The following UNK variants were observed in gnomAD, a reference collection of about 807,000 sequenced individuals.
UNK encodes RING finger protein unkempt homolog.
In UNK, 32 loss-of-function variants were observed where a neutral mutation model predicts 97.6. The observed-to-expected ratio is 0.33, with a 90% CI of 0.25 to 0.44. The LOEUF (loss-of-function observed/expected upper bound fraction) is 0.44, where lower values mean the gene tolerates loss of function less well. Among genes scored for constraint, UNK ranks in the 20% least tolerant of loss-of-function variants. The pLI is 1.00. For missense variants in UNK, 771 were observed against 1,098.4 expected (o/e 0.70, Z 4.21); for synonymous variants, 441 against 461.2 (o/e 0.96, Z 0.56).
Position 75,817,465 on chromosome 17 carries a change from C to T in UNK, c.1244C>T (p.Ala415Val), listed in dbSNP as rs889448171. The T allele has an allele frequency of 1.9e-6, 3 of 1,613,162 alleles. No individual in the cohort carries two copies. The highest frequency in any genetic ancestry group is 2.5e-6 in the Non-Finnish European group (3 of 1,179,546). The change falls in exon 9 of 16, where the codon GCT becomes GTT. Residue 415 changes from alanine (A) to valine (V), a missense_variant. Transcript: ENST00000589666. This position sits in a 1 kb window ranked among gnomAD's most constrained non-coding sequence, Gnocchi z 5.8. ...CTGGCCCCTGGCAGCTATAAGAAGG[C>T]TCCCGGCTTCGAGAGGGAAGACCAG... ...SGLAPGSYKKAPGFEREDQVG... is the reference protein window; with the variant it reads ...SGLAPGSYKKVPGFEREDQVG...
rs559225691 is a variant in UNK at position 75,812,160 on chromosome 17, C to T, written c.363C>T (p.His121=). Residue 121 remains histidine (H), a synonymous_variant, in exon 3 of 16, where the codon CAC becomes CAT. Coordinates refer to ENST00000589666, the MANE Select transcript of UNK (RefSeq NM_001080419.3). The stretch of plus-strand genomic sequence containing the variant: ...CAGGGGACACTGAGCGCAGGTACCA[C>T]CTTCGTTACTACAAAACTGGAATCT... ...RTTGDTERRY[H]LRYYKTGICI... The T allele has an allele frequency of 6.2e-7, 1 of 1,613,924 alleles. No individual in the cohort carries two copies. The highest frequency in any genetic ancestry group is 2.2e-5 in the East Asian group (1 of 44,886).
intron 7 of UNK, 28 bp downstream of exon 7, chr17:75,815,281 G>C: frequency 6.3e-7 from 1 of 1,594,340 alleles, no homozygotes; most frequent in South Asian, 1.1e-5. Flanking sequence ...CCCCGGGGCA[G>C]TGCCCTCTCC....
Position 75,813,118 on chromosome 17 carries a change from C to T in UNK, c.663C>T (p.Cys221=). The change falls in exon 5 of 16, where the codon TGC becomes TGT. Residue 221 remains cysteine (C), a synonymous_variant. Coordinates refer to ENST00000589666, the MANE Select transcript of UNK (RefSeq NM_001080419.3). ...YVLGNYKTEP[C]KKPPRLCRQG... ...TGGGGAACTATAAGACGGAGCCTTG[C>T]AAGAAGCCCCCGCGGCTGTGCCGCC... 6.3e-7 allele frequency: 1 copy of T among 1,586,972 alleles called. No individual in the cohort carries two copies. The highest frequency in any genetic ancestry group is 2.3e-5 in the East Asian group (1 of 43,592).
At chr17:75,808,550 T>C (rs907717458) in intron 1 of UNK, among the ~76,000 whole-genome samples, 1 of 152,160 alleles carries the variant, frequency 6.6e-6, no homozygotes, top group Non-Finnish European at 1.5e-5. Context: ...CACCTTCAAA[T>C]TCTTCATCCA....
rs2061983787 is a variant in UNK, at chr17:75,812,951, A to G, written c.623-127A>G. The G allele has an allele frequency of 1.2e-5, 16 of 1,340,368 alleles. No individual in the cohort carries two copies. The South Asian group carries it at 2.5e-4, about 21-fold the overall frequency. The allele number at this position is 1,340,368 out of a possible 1,614,324, so 83.0% of individuals were successfully genotyped here. On this transcript the variant is annotated intron_variant, in intron 4 of 15. Coordinates refer to ENST00000589666, the MANE Select transcript of UNK (RefSeq NM_001080419.3). ...GCCTGGGAGGAGGGGCCCTACTCAC[A>G]TCTGGCAGGGGCCTCCTGTCTTGAA...
At chr17:75,810,441 C>A (rs1045147824) in intron 2 of UNK, among the ~76,000 whole-genome samples, 2 of 148,680 alleles carry the variant, frequency 1.3e-5, no homozygotes, top group East Asian at 3.9e-4. Context: ...TAGGGAGGTG[C>A]CACACCTGGG....
intron 1 of UNK, among the ~76,000 whole-genome samples, chr17:75,800,685 T>C (rs12603219): frequency 0.9 from 134,679 of 150,476 alleles, 60,815 homozygotes; most frequent in Non-Finnish European, 0.96. Context: ...TGCAGTGAGC[T>C]GAGATCGCGC....
At chr17:75,820,203 G>A in intron 13 of UNK, 95 bp downstream of exon 13, 3 of 1,361,166 alleles carry the variant, frequency 2.2e-6, no homozygotes, top group Non-Finnish European at 3.0e-6. Flanking sequence ...ATATCAGCTA[G>A]GCTGGGGGTT....
intron 1 of UNK, among the ~76,000 whole-genome samples, chr17:75,791,047 G>A (rs906462543): frequency 2.0e-5 from 3 of 152,192 alleles, no homozygotes; most frequent in Non-Finnish European, 4.4e-5. Context: ...GACTAATCAT[G>A]TCTTCATGCC....
rs1048551298 is a variant in UNK, at chr17:75,818,439, C to T, written c.1372-203C>T. ...CTTCCCTGCTACAGGACTGTAGGGG[C>T]GAATGGGCCTGGCAGCCTCCGCACC... On this transcript the variant is annotated intron_variant, in intron 10 of 15. Transcript: ENST00000589666. This position sits in a 1 kb window ranked among gnomAD's most constrained non-coding sequence, Gnocchi z 5.1. Among the ~76,000 whole-genome samples the T allele has an allele frequency of 2.0e-5, 3 of 152,180 alleles. No individual in the cohort carries two copies. Among genetic ancestry groups the T allele is most frequent in the African/African-American group, 7.2e-5 (3 of 41,446 alleles).
At chr17:75,787,887 C>T (rs2061727798) in intron 1 of UNK, among the ~76,000 whole-genome samples, 1 of 151,434 alleles carries the variant, frequency 6.6e-6, no homozygotes, top group Non-Finnish European at 1.5e-5. Flanking sequence ...AATTCCTGGG[C>T]TCAAGCAGTC....
chr17:75,789,080 A>T (rs1055389967), intron 1 of UNK, among the ~76,000 whole-genome samples: 9 of 152,212 alleles, frequency 5.9e-5, no homozygotes, highest in African/African-American at 2.2e-4. Flanking sequence ...AGGATTATTC[A>T]TAACATAGTT....
intron 1 of UNK, among the ~76,000 whole-genome samples, chr17:75,808,513 A>G (rs1229503392): frequency 6.6e-6 from 1 of 152,122 alleles, no homozygotes; most frequent in East Asian, 1.9e-4. Flanking sequence ...CTCTGTTTCT[A>G]AGCTCATACT....
At chr17:75,787,473 G>C (rs1290684658) in intron 1 of UNK, among the ~76,000 whole-genome samples, 2 of 150,976 alleles carry the variant, frequency 1.3e-5, no homozygotes, top group Non-Finnish European at 2.9e-5. Context: ...TTGGGCCTTG[G>C]CCTCCCAAAG....
Position 75,820,125 on chromosome 17 carries a change from TTC to T in UNK, c.1837+18_1837+19del. The T allele has an allele frequency of 6.3e-7, 1 of 1,597,430 alleles. No homozygotes were observed. Among genetic ancestry groups the T allele is most frequent in the African/African-American group, 1.3e-5 (1 of 74,756 alleles). On this transcript the variant is annotated intron_variant, in intron 13 of 15. Coordinates refer to ENST00000589666, the MANE Select transcript of UNK (RefSeq NM_001080419.3). ...GATCTTTGGGTAAGAGAGGGAGTGG[TTC>T]ACTCAGGAGAACTGGGGCAGGAACC...
rs544713859 is a variant in UNK, at chr17:75,824,316, G to A, written c.2332G>A (p.Ala778Thr). The change falls in exon 16 of 16, where the codon GCA becomes ACA. Residue 778 changes from alanine (A) to threonine (T), a missense_variant. Ala to Thr is a moderately conservative substitution (Grantham distance 58). Around this residue, in one of 5 missense-constraint regions of UNK, gnomAD observed 208 missense variants for 257.4 expected, o/e 0.81. Coordinates refer to ENST00000589666, the MANE Select transcript of UNK (RefSeq NM_001080419.3). The surrounding 1 kb of genome is among the most constrained non-coding windows in gnomAD (Gnocchi z 4.9). ...CCTTAAGTGTCAGGAACAGAAGCGGGCAGTGCTGCCGTGCCAACACGCTGC... is the reference window on the plus strand; with the variant it reads ...CCTTAAGTGTCAGGAACAGAAGCGGACAGTGCTGCCGTGCCAACACGCTGC... The part of the protein sequence containing the change: ...KCLKCQEQKR[A>T]VLPCQHAALC... 1 of 1,605,326 alleles carries A rather than the reference G, an allele frequency of 6.2e-7. No homozygotes were observed.
rs1160419839 is a variant in UNK, at chr17:75,817,234, C to G, written c.1105-92C>G. ...GGCAGATGAAAGTGGAACTGAGCCC[C>G]TTGAAGACTCCCTCTGGAGAGGGTG... On this transcript the variant is annotated intron_variant, in intron 8 of 15. Coordinates refer to ENST00000589666, the MANE Select transcript of UNK (RefSeq NM_001080419.3). This position sits in a 1 kb window ranked among gnomAD's most constrained non-coding sequence, Gnocchi z 5.8. 7.3e-7 allele frequency: 1 copy of G among 1,379,006 alleles called. No individual in the cohort carries two copies. Among genetic ancestry groups the G allele is most frequent in the African/African-American group, 1.4e-5 (1 of 69,020 alleles). The allele number at this position is 1,379,006 out of a possible 1,614,324, so 85.4% of individuals were successfully genotyped here.
In UNK at chr17:75,809,743, C is replaced by T. The variant is rs376667096; in HGVS notation, c.105-17C>T. 1.5e-3 allele frequency: 2,440 copies of T among 1,588,410 alleles called. 2 individuals are homozygous for T. The highest frequency in any genetic ancestry group is 2.2e-3 in the South Asian group (189 of 87,862). ...TTCTCTGCTCCCGGCCTGCCCCACG[C>T]GGGGCTCTCTCTGCAGGTACCTGAA... On this transcript the variant is annotated splice_polypyrimidine_tract_variant and intron_variant, in intron 1 of 15. Transcript: ENST00000589666.
intron 3 of UNK, 64 bp downstream of exon 3, chr17:75,812,352 C>T (rs768924427): frequency 7.6e-6 from 12 of 1,580,078 alleles, no homozygotes; most frequent in South Asian, 4.6e-5. Flanking sequence ...GGCCTGGCGG[C>T]TAATGATGGT....
Sources: gnomAD v4.1 joint callset for allele counts (sites outside exome capture counted in the v4.1 genomes callset) on GRCh38, gnomAD v4.1.1 for gene constraint, gnomAD v4.1.1 regional missense constraint, Gnocchi (gnomAD v3.1) non-coding constraint, MANE v1.5 for transcripts, NCBI Gene and HGNC (gene_info 2026-07-23, HGNC 2026-07-21) for gene names.